The following PPP1R13B variants were observed in gnomAD, a reference collection of about 807,000 sequenced individuals.
PPP1R13B encodes the protein protein phosphatase 1 regulatory subunit 13B, also known as apoptosis-stimulating of p53 protein 1.
In PPP1R13B, 44 loss-of-function variants were observed where a neutral mutation model predicts 119.8. The ratio of observed to expected loss-of-function variants is 0.37; its 90% CI spans 0.29 to 0.47. The LOEUF (loss-of-function observed/expected upper bound fraction) is 0.47, where lower values mean the gene tolerates loss of function less well. Ranked by LOEUF, PPP1R13B falls within the 20% of genes least tolerant of loss-of-function variation. The probability of loss-of-function intolerance (pLI) is 0.99; values close to 1 mark genes in which losing one functional copy is unlikely to be tolerated. For synonymous variants in PPP1R13B, 542 were observed against 561.5 expected (o/e 0.97, Z 0.49); for missense variants, 1,227 against 1,413.5 (o/e 0.87, Z 2.12).
At chr14:103,754,587 T>A (rs1174650851) in intron 5 of PPP1R13B, among the ~76,000 whole-genome samples, 80 of 122,054 alleles carry the variant, frequency 6.6e-4, no homozygotes, top group Middle Eastern at 4.2e-3. Flanking sequence ...AAAAAAAAAA[T>A]TGAAACTTAT....
At chr14:103,744,023 CT>C (rs1245792699) in intron 9 of PPP1R13B, 20 of 152,392 alleles carry the variant, frequency 1.3e-4, no homozygotes, top group African/African-American at 4.8e-4. Context: ...TCCAAGGCCC[CT>C]GGACCAACTG....
intron 1 of PPP1R13B, among the ~76,000 whole-genome samples, chr14:103,817,938 A>G (rs2086318054): frequency 1.3e-5 from 2 of 152,152 alleles, no homozygotes; most frequent in Non-Finnish European, 2.9e-5. Flanking sequence ...CCAACTATTC[A>G]AGTTCTTCAT....
Position 103,740,382 on chromosome 14 carries a change from G to C in PPP1R13B, c.2034C>G (p.Ile678Met). 1 of 1,570,498 alleles carries C rather than the reference G, an allele frequency of 6.4e-7. No individual in the cohort carries two copies. The highest frequency in any genetic ancestry group is 8.7e-7 in the Non-Finnish European group (1 of 1,155,642). ...TCTGGTAGCGCAGTGGCGAATGCAC[G>C]ATGGGCGTGAGCTTGGTGGGGCTGA... ...RPLSPTKLTP[I>M]VHSPLRYQSD... Residue 678 changes from isoleucine to methionine, a missense_variant, in exon 12 of 17, where the codon ATC (isoleucine) becomes ATG (methionine). Transcript: ENST00000202556. The surrounding 1 kb of genome is among the most constrained non-coding windows in gnomAD (Gnocchi z 4.6).
intron 2 of PPP1R13B, among the ~76,000 whole-genome samples, chr14:103,793,158 GGGAAGAGAA>G (rs1239734367): frequency 3.8e-4 from 57 of 148,896 alleles, no homozygotes; most frequent in Non-Finnish European, 6.3e-4. Context: ...AGGAGGGGAA[GGGAAGAGAA>G]GGGAGAGAAG....
rs577965404 is a variant in PPP1R13B at position 103,835,815 on chromosome 14, T to C, written c.9+11484A>G. On this transcript the variant is annotated intron_variant, in intron 1 of 16. Transcript: ENST00000202556. ...TAGTAGAGACGGGGTTTCACTGTGT[T>C]AGCCAGGATGGTCTCGATCTCATGA... Among the ~76,000 whole-genome samples the C allele has an allele frequency of 3.4e-4, 52 of 151,826 alleles. 1 individual carries two copies. The highest frequency in any genetic ancestry group is 3.4e-3 in the Middle Eastern group (1 of 292).
At chr14:103,755,066 G>A (rs1291135424) in intron 5 of PPP1R13B, among the ~76,000 whole-genome samples, 8 of 149,836 alleles carry the variant, frequency 5.3e-5, no homozygotes, top group Non-Finnish European at 1.2e-4. Context: ...ACAGGCGTGA[G>A]CCACCGCGCC....
intron 3 of PPP1R13B, 108 bp downstream of exon 3, chr14:103,784,687 G>C: frequency 5.7e-6 from 6 of 1,060,922 alleles, no homozygotes; most frequent in Non-Finnish European, 7.4e-6. Flanking sequence ...CTAGCCACTT[G>C]TAAGTGCAGG....
At chr14:103,786,037 C>G (rs773945826) in intron 2 of PPP1R13B, among the ~76,000 whole-genome samples, 5 of 152,070 alleles carry the variant, frequency 3.3e-5, no homozygotes, top group Non-Finnish European at 7.4e-5. Flanking sequence ...CTCACAATCT[C>G]TCACTCCTTT....
rs1352921591 is a variant in PPP1R13B at position 103,778,738 on chromosome 14, C to T, written c.354+7G>A. The T allele has an allele frequency of 6.2e-7, 1 of 1,609,402 alleles. No individual in the cohort carries two copies. The highest frequency in any genetic ancestry group is 8.5e-7 in the Non-Finnish European group (1 of 1,175,876). ...TTTAAAATTCAATTTAATTCACTGT[C>T]ACTTACCCCATTTTCAGTACGTTTT... On this transcript the variant is annotated splice_region_variant and intron_variant, in intron 4 of 16. Transcript: ENST00000202556.
chr14:103,821,028 T>G (rs994858424), intron 1 of PPP1R13B, among the ~76,000 whole-genome samples: 1 of 152,154 alleles, frequency 6.6e-6, no homozygotes, highest in Non-Finnish European at 1.5e-5. Flanking sequence ...ATCAAAAAGA[T>G]CAGTCATAAA....
intron 4 of PPP1R13B, among the ~76,000 whole-genome samples, chr14:103,766,208 C>T (rs927096622): frequency 1.3e-5 from 2 of 151,996 alleles, no homozygotes; most frequent in South Asian, 2.1e-4. Context: ...TGGGGTTTCA[C>T]CATGTTATCC....
upstream of PPP1R13B, chr14:103,847,778 G>T: frequency 3.1e-6 from 1 of 325,736 alleles, no homozygotes; most frequent in Non-Finnish European, 4.4e-6. Flanking sequence ...CGGCGGGGGA[G>T]GGGCGGACGC....
At chr14:103,846,883 A>T (rs1274074609) in intron 1 of PPP1R13B, 12 of 630,098 alleles carry the variant, frequency 1.9e-5, no homozygotes, top group African/African-American at 1.5e-4. Flanking sequence ...GCGCCTGCAG[A>T]GTGTGGGAAC....
rs183318104 is a variant in PPP1R13B at position 103,823,322 on chromosome 14, C to T, written c.9+23977G>A. On this transcript the variant is annotated intron_variant, in intron 1 of 16. Coordinates refer to ENST00000202556, the MANE Select transcript of PPP1R13B (RefSeq NM_015316.3). ...CCACTGCACTTCAGCCTGGGTGACA[C>T]AGTGAGACTCTGTCTCAAAAAAAAG... Among the ~76,000 whole-genome samples, 497 of 149,532 alleles carry T rather than the reference C, an allele frequency of 3.3e-3. 2 individuals carry two copies. Among genetic ancestry groups the T allele is most frequent in the African/African-American group, 0.012 (469 of 40,588 alleles).
chr14:103,837,330 A>G lies in PPP1R13B; in HGVS notation c.9+9969T>C, dbSNP rs541155451. Among the ~76,000 whole-genome samples, 44 of 152,228 alleles carry G rather than the reference A, an allele frequency of 2.9e-4. 1 individual carries two copies. Among genetic ancestry groups the G allele is most frequent in the Non-Finnish European group, 5.6e-4 (38 of 68,048 alleles). On this transcript the variant is annotated intron_variant, in intron 1 of 16. Transcript: ENST00000202556. ...TTTTACCTTAAGATTTAAGGATAAC[A>G]TCTTTCTGGACATGGCAGGCATCTA...
At chr14:103,774,869 A>C (rs2085151344) in intron 4 of PPP1R13B, among the ~76,000 whole-genome samples, 1 of 152,228 alleles carries the variant, frequency 6.6e-6, no homozygotes, top group African/African-American at 2.4e-5. Context: ...TAGATGTGTA[A>C]GCCATAAAAT....
At chr14:103,762,770 G>A in intron 4 of PPP1R13B, 2 of 705,348 alleles carry the variant, frequency 2.8e-6, no homozygotes, top group Non-Finnish European at 5.2e-6. Flanking sequence ...CTGCTGTGGG[G>A]GCAGGTGGTG....
rs1392438086 is a variant in PPP1R13B, at chr14:103,742,866, A to G, written c.1151-43T>C. The G allele has an allele frequency of 6.2e-7, 1 of 1,604,352 alleles. No homozygotes were observed. The highest frequency in any genetic ancestry group is 1.3e-5 in the African/African-American group (1 of 74,860). On this transcript the variant is annotated intron_variant, in intron 9 of 16. Transcript: ENST00000202556. This position sits in a 1 kb window ranked among gnomAD's most constrained non-coding sequence, Gnocchi z 4.9. ...ACTTACGTAAAACTTTTCTCAATGT[A>G]GTTGAACCAACCTAAGAATAACACT...
intron 12 of PPP1R13B, 155 bp from the exon 13 acceptor site, chr14:103,739,178 A>G (rs1368132547): frequency 9.8e-7 from 1 of 1,019,082 alleles, no homozygotes; most frequent in Non-Finnish European, 1.4e-6. Context: ...CCAGGTGACC[A>G]CCTCAAATAA....
Sources: allele counts gnomAD v4.1 joint callset (sites outside exome capture counted in the v4.1 genomes callset), GRCh38; gene constraint gnomAD v4.1.1; non-coding constraint Gnocchi (gnomAD v3.1); transcripts MANE v1.5; gene names NCBI Gene and HGNC (gene_info 2026-07-23, HGNC 2026-07-21).